The following TG variants were observed in gnomAD, a reference collection of about 807,000 sequenced individuals.
TG encodes thyroglobulin, also known as thyroid hormones.
Under a neutral mutation model 324.7 loss-of-function variants are expected in TG, and 270 were observed. That is an observed-to-expected ratio of 0.83 (90% CI 0.75 to 0.92). TG has a LOEUF of 0.92. Ranked by LOEUF, TG falls within the 40% of genes least tolerant of loss-of-function variation. The pLI is 0.00. For synonymous variants in TG, 1,401 were observed against 1,327.0 expected (o/e 1.06, Z -1.21); for missense variants, 3,591 against 3,456.4 (o/e 1.04, Z -0.98).
intron 41 of TG, among the ~76,000 whole-genome samples, chr8:133,064,698 TC>T (rs1842821200): frequency 6.6e-6 from 1 of 152,232 alleles, no homozygotes; most frequent in Admixed American, 6.5e-5. Context: ...CCAGCAGCCC[TC>T]CTCTTAATAG....
intron 45 of TG, 27 bp from the exon 46 acceptor site, chr8:133,131,785 G>A: frequency 6.2e-7 from 1 of 1,613,746 alleles, no homozygotes; most frequent in South Asian, 1.1e-5. Flanking sequence ...TTGACCTTTT[G>A]CTGCTGCTTT....
intron 27 of TG, among the ~76,000 whole-genome samples, chr8:132,960,561 A>C (rs1037679536): frequency 5.3e-5 from 8 of 152,248 alleles, no homozygotes; most frequent in African/African-American, 1.9e-4. Context: ...GTGGCTGCCT[A>C]TCAAATGTTG....
intron 40 of TG, 77 bp from the exon 41 acceptor site, chr8:133,029,744 G>A: frequency 3.2e-6 from 5 of 1,585,238 alleles, no homozygotes; most frequent in South Asian, 1.1e-5. Flanking sequence ...ATATATGCCT[G>A]CCATAGACAG....
At chr8:133,028,810 T>C (rs1836350944) in intron 40 of TG, among the ~76,000 whole-genome samples, 1 of 152,174 alleles carries the variant, frequency 6.6e-6, no homozygotes, top group Non-Finnish European at 1.5e-5. Context: ...GATTTTTCTG[T>C]TTTTTCTTTT....
intron 16 of TG, among the ~76,000 whole-genome samples, chr8:132,905,484 T>C (rs965933471): frequency 6.6e-6 from 1 of 152,236 alleles, no homozygotes; most frequent in East Asian, 1.9e-4. Flanking sequence ...TCCTTACAGA[T>C]TGCAGATGTT....
Position 132,967,835 on chromosome 8 carries a change from A to G in TG, c.5728A>G (p.Thr1910Ala). Residue 1910 changes from threonine (T) to alanine (A), a missense_variant, in exon 31 of 48, where the codon ACA (threonine) becomes GCA (alanine). Thr to Ala is a moderately conservative substitution (Grantham distance 58). Coordinates refer to ENST00000220616, the MANE Select transcript of TG (RefSeq NM_003235.5). The part of the protein sequence containing the change: ...EHSFCQLAEI[T>A]ESASLYFTCT... ...CTCTTTCTGTCAGCTCGCAGAGATA[A>G]CAGAGAGTGCATCCTTGTACTTCAC... 1 of 1,613,984 alleles carries G rather than the reference A, an allele frequency of 6.2e-7. No individual in the cohort carries two copies. Among genetic ancestry groups the G allele is most frequent in the Non-Finnish European group, 8.5e-7 (1 of 1,179,910 alleles).
At chr8:132,948,247 T>TTGTATG (rs1554677180) in intron 26 of TG, among the ~76,000 whole-genome samples, 3 of 150,910 alleles carry the variant, frequency 2.0e-5, no homozygotes, top group Non-Finnish European at 4.4e-5. Flanking sequence ...AAGGTTGATC[T>TTGTATG]TGTGTGTGTG....
intron 11 of TG, among the ~76,000 whole-genome samples, chr8:132,896,944 G>A (rs538898046): frequency 6.6e-6 from 1 of 152,284 alleles, no homozygotes; most frequent in Admixed American, 6.5e-5. Flanking sequence ...TTTCATTAGT[G>A]GGGTGGCCAG....
At chr8:133,018,415 G>T (rs931095648) in intron 38 of TG, among the ~76,000 whole-genome samples, 1 of 152,168 alleles carries the variant, frequency 6.6e-6, no homozygotes, top group African/African-American at 2.4e-5. Flanking sequence ...CGCTATTGCA[G>T]TGGCCAAGCT....
In TG at chr8:132,913,117, T is replaced by G; in HGVS notation, c.4230T>G (p.Leu1410=). 5 of 1,614,178 alleles carry G rather than the reference T, an allele frequency of 3.1e-6. No individual in the cohort carries two copies. The highest frequency in any genetic ancestry group is 4.2e-6 in the Non-Finnish European group (5 of 1,180,038). ...TDLIQSGSFQ[L]HLDSKTFPAE... is the part of the protein sequence containing the mutation. ...TGATCCAGAGTGGCTCATTCCAGCT[T>G]CATCTGGACTCCAAGACGTTCCCAG... Residue 1410 remains leucine (L), a synonymous_variant, in exon 20 of 48, where the codon CTT becomes CTG. Transcript: ENST00000220616.
At chr8:133,062,188 T>A (rs991474389) in intron 41 of TG, among the ~76,000 whole-genome samples, 1 of 152,164 alleles carries the variant, frequency 6.6e-6, no homozygotes, top group Non-Finnish European at 1.5e-5. Flanking sequence ...GCTCGGGCCC[T>A]TCTTTCTTCA....
chr8:132,979,793 G>C (rs1023760232), intron 34 of TG, among the ~76,000 whole-genome samples: 2 of 152,072 alleles, frequency 1.3e-5, no homozygotes, highest in African/African-American at 4.8e-5. Flanking sequence ...TCAACCCTCT[G>C]TTCCAGTGAT....
At chr8:132,983,597 G>T in intron 35 of TG, 185 bp downstream of exon 35, 1 of 657,082 alleles carries the variant, frequency 1.5e-6, no homozygotes. Context: ...CTTTGCAGAT[G>T]AGAAAATTGA....
intron 22 of TG, among the ~76,000 whole-genome samples, chr8:132,925,651 T>A (rs1233574167): frequency 6.6e-6 from 1 of 152,062 alleles, no homozygotes; most frequent in East Asian, 1.9e-4. Flanking sequence ...GGAAAGTGCT[T>A]TGAGAGATCA....
At position 132,883,011 on chromosome 8, in the gene TG, C is replaced by CT; in HGVS notation, c.1075+13dup. On this transcript the variant is annotated intron_variant, in intron 8 of 47. Coordinates refer to ENST00000220616, the MANE Select transcript of TG (RefSeq NM_003235.5). The stretch of plus-strand genomic sequence containing the variant: ...GCCGCCATCTTGTGGTGGGTTTCCT[C>CT]TGGGGGCTTCCTCTTTCGGCCTCGG... The CT allele has an allele frequency of 6.2e-7, 1 of 1,612,978 alleles. No individual in the cohort carries two copies. Among genetic ancestry groups the CT allele is most frequent in the Non-Finnish European group, 8.5e-7 (1 of 1,179,690 alleles).
intron 40 of TG, among the ~76,000 whole-genome samples, chr8:133,025,747 T>C (rs555095571): frequency 6.6e-6 from 1 of 152,278 alleles, no homozygotes; most frequent in African/African-American, 2.4e-5. Flanking sequence ...TTTTCCAGTT[T>C]AAGTCATTGA....
At chr8:133,025,558 C>T (rs566084425) in intron 40 of TG, among the ~76,000 whole-genome samples, 5 of 152,148 alleles carry the variant, frequency 3.3e-5, no homozygotes, top group African/African-American at 9.6e-5. Context: ...CTTGATGAGC[C>T]GATGGTGGTG....
chr8:132,870,994 A>G (rs1159783833), intron 3 of TG, among the ~76,000 whole-genome samples: 1 of 152,148 alleles, frequency 6.6e-6, no homozygotes. Flanking sequence ...CTAGCCTACA[A>G]GCAGAGTGGT....
chr8:133,134,236 G>C (rs1314617719), intron 47 of TG, among the ~76,000 whole-genome samples: 1 of 152,154 alleles, frequency 6.6e-6, no homozygotes, highest in African/African-American at 2.4e-5. Context: ...CATGATGGAA[G>C]CCTGTGTCTG....
Sources: gnomAD v4.1 joint callset for allele counts (sites outside exome capture counted in the v4.1 genomes callset) on GRCh38, gnomAD v4.1.1 for gene constraint, MANE v1.5 for transcripts, NCBI Gene and HGNC (gene_info 2026-07-23, HGNC 2026-07-21) for gene names.